FHIT: variants seen among roughly 807,000 people sequenced by gnomAD.
FHIT encodes the protein fragile histidine triad diadenosine triphosphatase.
A neutral mutation model predicts 17.9 loss-of-function variants in FHIT; 19 were observed. The observed-to-expected ratio is 1.06, with a 90% CI of 0.74 to 1.56. FHIT has a LOEUF of 1.56. Among genes scored for constraint, FHIT ranks in the 40% most tolerant of loss-of-function variants. FHIT has a pLI of 0.00. For missense variants in FHIT, 248 were observed against 189.2 expected, an observed-to-expected ratio of 1.31 and a Z score of -1.82; for synonymous variants, 81 against 69.7, an observed-to-expected ratio of 1.16 and a Z score of -0.81.
chr3:61,241,305 C>A (rs906253155), intron 1 of FHIT, among the ~76,000 whole-genome samples: 2 of 152,168 alleles, frequency 1.3e-5, no homozygotes, highest in African/African-American at 2.4e-5. Flanking sequence ...GTCCTCAGGG[C>A]TCCAAACGCA....
In FHIT at chr3:61,084,471, G is replaced by C. The variant is rs573950242; in HGVS notation, c.-163-42372C>G. On this transcript the variant is annotated intron_variant, in intron 2 of 9. Coordinates refer to ENST00000492590, the MANE Select transcript of FHIT (RefSeq NM_002012.4). ...TGAAATTTAGAGATCAATTTGGAGA[G>C]AATAGACCTCTTGACCCTATTGAGT... is the stretch of plus-strand genomic sequence containing the variant. Among the ~76,000 whole-genome samples, 3 of 152,278 alleles carry C rather than the reference G, an allele frequency of 2.0e-5. No homozygotes were observed. The East Asian group carries it at 5.8e-4, about 29-fold the overall frequency.
At chr3:60,784,032 C>T (rs1454762083) in intron 4 of FHIT, among the ~76,000 whole-genome samples, 2 of 152,176 alleles carry the variant, frequency 1.3e-5, no homozygotes, top group South Asian at 4.1e-4. Flanking sequence ...GACTCTTTGG[C>T]AGGTCGTGAA....
intron 3 of FHIT, among the ~76,000 whole-genome samples, chr3:60,978,908 T>C (rs1010811891): frequency 6.6e-6 from 1 of 152,210 alleles, no homozygotes; most frequent in Admixed American, 6.5e-5. Flanking sequence ...TGTAACCACA[T>C]TAAGCCAAGC....
intron 3 of FHIT, among the ~76,000 whole-genome samples, chr3:61,014,810 A>AAT (rs1559910694): frequency 7.7e-6 from 1 of 129,878 alleles, no homozygotes; most frequent in African/African-American, 2.9e-5. Context: ...AAAAAAAAAT[A>AAT]TATATATATA....
intron 8 of FHIT, among the ~76,000 whole-genome samples, chr3:59,811,971 G>A (rs184594033): frequency 2.6e-5 from 4 of 152,210 alleles, no homozygotes; most frequent in Admixed American, 1.3e-4. Context: ...ATCCTACCCC[G>A]TGGCAGCTCA....
intron 5 of FHIT, among the ~76,000 whole-genome samples, chr3:60,271,205 G>C (rs777981938): frequency 6.6e-6 from 1 of 152,026 alleles, no homozygotes; most frequent in Non-Finnish European, 1.5e-5. Flanking sequence ...TTCAAGACCA[G>C]CCTGGTCAAC....
chr3:61,089,687 AGGATAG>A (rs1198658358), intron 2 of FHIT, among the ~76,000 whole-genome samples: 2 of 152,212 alleles, frequency 1.3e-5, no homozygotes, highest in Non-Finnish European at 2.9e-5. Flanking sequence ...AAGGGGGACT[AGGATAG>A]CAGTTGTCAT....
chr3:60,736,864 T>C (rs2042143993), intron 4 of FHIT, among the ~76,000 whole-genome samples: 1 of 152,158 alleles, frequency 6.6e-6, no homozygotes, highest in Non-Finnish European at 1.5e-5. Context: ...CAAATGACCA[T>C]TATAAGAAAT....
At chr3:60,754,759 T>G (rs2042540091) in intron 4 of FHIT, among the ~76,000 whole-genome samples, 1 of 152,170 alleles carries the variant, frequency 6.6e-6, no homozygotes, top group African/African-American at 2.4e-5. Flanking sequence ...GTTTTCAACA[T>G]TTACCCTTTC....
At chr3:60,196,959 C>T (rs1409831339) in intron 5 of FHIT, among the ~76,000 whole-genome samples, 1 of 152,026 alleles carries the variant, frequency 6.6e-6, no homozygotes, top group Non-Finnish European at 1.5e-5. Flanking sequence ...GCAGACACCC[C>T]ATGCATATAA....
chr3:60,833,323 G>T (rs555113671), intron 3 of FHIT, among the ~76,000 whole-genome samples: 4 of 152,280 alleles, frequency 2.6e-5, no homozygotes, highest in Non-Finnish European at 4.4e-5. Context: ...TGCGGATTGG[G>T]CAAGAACTCT....
At chr3:60,827,206 G>T (rs1553741307) in intron 3 of FHIT, among the ~76,000 whole-genome samples, 1 of 152,168 alleles carries the variant, frequency 6.6e-6, no homozygotes, top group Admixed American at 6.5e-5. Flanking sequence ...TGAAGTGAAA[G>T]CCCAAAGTGA....
At chr3:61,178,426 G>A (rs1305415747) in intron 2 of FHIT, among the ~76,000 whole-genome samples, 2 of 151,042 alleles carry the variant, frequency 1.3e-5, no homozygotes, top group Admixed American at 6.6e-5. Flanking sequence ...GTGGGCATTG[G>A]GGATAAGAGG....
In FHIT at chr3:60,130,784, G is replaced by GTGTGTATATACACACATATATGTGTGTGT. The variant is rs148356992; in HGVS notation, c.104-116633_104-116632insACACACACATATATGTGTGTATATACACA. Among the ~76,000 whole-genome samples, 129 of 111,728 alleles carry GTGTGTATATACACACATATATGTGTGTGT rather than the reference G, an allele frequency of 1.2e-3. 1 individual carries two copies. Among genetic ancestry groups the GTGTGTATATACACACATATATGTGTGTGT allele is most frequent in the South Asian group, 4.0e-3 (15 of 3,722 alleles). 73.3% of individuals were successfully genotyped at this position (111,728 alleles called of 152,430 possible). ...TGTGTGTTTGTGTGTGTGTGTGTGTGGTGTGTATATACACACATATATATG... is the reference window on the plus strand; with the variant it reads ...TGTGTGTTTGTGTGTGTGTGTGTGTGTGTGTATATACACACATATATGTGTGTGTGTGTGTATATACACACATATATATG... On this transcript the variant is annotated intron_variant, in intron 5 of 9. Transcript: ENST00000492590.
At chr3:60,857,547 T>G (rs1703439783) in intron 3 of FHIT, among the ~76,000 whole-genome samples, 2 of 152,052 alleles carry the variant, frequency 1.3e-5, no homozygotes, top group African/African-American at 2.4e-5. Context: ...TGGAAAGCTT[T>G]CATCCCAGTG....
chr3:60,899,711 T>C (rs1706008704), intron 3 of FHIT, among the ~76,000 whole-genome samples: 1 of 152,138 alleles, frequency 6.6e-6, no homozygotes. Context: ...ACCACCAGGA[T>C]ACCAAAACCC....
intron 7 of FHIT, among the ~76,000 whole-genome samples, chr3:59,957,605 T>C (rs191991284): frequency 6.6e-6 from 1 of 152,316 alleles, no homozygotes; most frequent in Non-Finnish European, 1.5e-5. Flanking sequence ...TGATGATGAA[T>C]GTAATAACAT....
At chr3:59,820,538 A>T (rs1242704074) in intron 8 of FHIT, among the ~76,000 whole-genome samples, 1 of 152,246 alleles carries the variant, frequency 6.6e-6, no homozygotes, top group Non-Finnish European at 1.5e-5. Context: ...ACCAAATCAG[A>T]CCTGCCACCT....
intron 8 of FHIT, among the ~76,000 whole-genome samples, chr3:59,874,910 A>G (rs1703084197): frequency 6.6e-6 from 1 of 152,110 alleles, no homozygotes; most frequent in African/African-American, 2.4e-5. Context: ...TCCCCACAAG[A>G]CAGCTTCCAT....
Sources: gnomAD v4.1 joint callset for allele counts (sites outside exome capture counted in the v4.1 genomes callset) on GRCh38, gnomAD v4.1.1 for gene constraint, MANE v1.5 for transcripts, NCBI Gene and HGNC (gene_info 2026-07-23, HGNC 2026-07-21) for gene names.